The following CCDC73 variants were observed in gnomAD, a reference collection of about 807,000 sequenced individuals.
The protein encoded by CCDC73 is coiled-coil domain-containing protein 73.
Under a neutral mutation model 116.5 loss-of-function variants are expected in CCDC73, and 95 were observed. That is an observed-to-expected ratio of 0.82 (90% CI 0.69 to 0.97). The LOEUF is 0.97. CCDC73 is among the 50% of genes least tolerant of loss of function. The probability of loss-of-function intolerance (pLI) is 0.00; values close to 1 mark genes in which losing one functional copy is unlikely to be tolerated. For missense variants in CCDC73, 1,066 were observed against 1,206.8 expected (o/e 0.88, Z 1.73); for synonymous variants, 398 against 401.3 (o/e 0.99, Z 0.10).
At chr11:32,714,138 T>C (rs1849924475) in intron 3 of CCDC73, among the ~76,000 whole-genome samples, 1 of 152,080 alleles carries the variant, frequency 6.6e-6, no homozygotes, top group Non-Finnish European at 1.5e-5. Context: ...GTCATTTATT[T>C]AGAAATTCAT....
intron 2 of CCDC73, among the ~76,000 whole-genome samples, chr11:32,737,226 T>A (rs944256682): frequency 7.3e-6 from 1 of 137,606 alleles, no homozygotes; most frequent in Non-Finnish European, 1.5e-5. Context: ...GGGTACATAG[T>A]AGGGCTGTGT....
intron 12 of CCDC73, among the ~76,000 whole-genome samples, chr11:32,644,556 A>G (rs1407097882): frequency 6.6e-6 from 1 of 152,246 alleles, no homozygotes; most frequent in African/African-American, 2.4e-5. Context: ...TATATTCACA[A>G]TGTTGTACAA....
chr11:32,723,570 C>T (rs572333975), intron 2 of CCDC73, among the ~76,000 whole-genome samples: 14 of 152,240 alleles, frequency 9.2e-5, no homozygotes, highest in Middle Eastern at 6.8e-3. Flanking sequence ...GGCGTATGTA[C>T]CTAAATCTGT....
chr11:32,803,291 A>G, the CCDC73 span, among the ~76,000 whole-genome samples: 1 of 151,822 alleles, frequency 6.6e-6, no homozygotes, highest in African/African-American at 2.4e-5. Flanking sequence ...GGGCTTCACC[A>G]TGTTGGCCAG....
intron 14 of CCDC73, 98 bp downstream of exon 14, chr11:32,635,598 A>T: frequency 1.8e-6 from 2 of 1,092,418 alleles, no homozygotes; most frequent in Non-Finnish European, 2.3e-6. Flanking sequence ...TCATTTTTTT[A>T]AAGTTGAGAA....
chr11:32,691,964 C>T (rs574057722), intron 6 of CCDC73, among the ~76,000 whole-genome samples: 13 of 147,662 alleles, frequency 8.8e-5, no homozygotes, highest in South Asian at 6.5e-4. Flanking sequence ...AGGAGAATGG[C>T]GTGAACCCAG....
the CCDC73 span, among the ~76,000 whole-genome samples, chr11:32,823,464 ACT>A: frequency 6.6e-6 from 1 of 152,142 alleles, no homozygotes; most frequent in Admixed American, 6.5e-5. Flanking sequence ...ACAGAGCGAG[ACT>A]CTGTCTCAAA....
intron 2 of CCDC73, among the ~76,000 whole-genome samples, chr11:32,737,651 A>C (rs1850146972): frequency 6.6e-6 from 1 of 151,874 alleles, no homozygotes; most frequent in Admixed American, 6.6e-5. Flanking sequence ...CAGGGTAAGT[A>C]GGGCATCCAT....
Position 32,614,079 on chromosome 11 carries a change from T to C in CCDC73, c.2239A>G (p.Thr747Ala), listed in dbSNP as rs767349774. 6 of 1,613,228 alleles carry C rather than the reference T, an allele frequency of 3.7e-6. No individual in the cohort carries two copies. Among genetic ancestry groups the C allele is most frequent in the Admixed American group, 1.7e-5 (1 of 59,994 alleles). The change falls in exon 16 of 18, where the codon ACT becomes GCT. Residue 747 changes from threonine (T) to alanine (A), a missense_variant. Transcript: ENST00000335185. ...ATATCACTCATATTTTTACACATAG[T>C]TTTTCCCCCAGGGCTTGAGTTAGGT... ...VKPNSSPGGKTMCKNMSDMQN... is the reference protein window; with the variant it reads ...VKPNSSPGGKAMCKNMSDMQN...
chr11:32,633,612 C>T (rs933752782), intron 14 of CCDC73, among the ~76,000 whole-genome samples: 9 of 152,152 alleles, frequency 5.9e-5, no homozygotes, highest in Non-Finnish European at 1.3e-4. Flanking sequence ...TTCCAAAGGT[C>T]ATCTTCTAAT....
intron 2 of CCDC73, among the ~76,000 whole-genome samples, chr11:32,747,431 A>G (rs1004980679): frequency 1.3e-5 from 2 of 152,138 alleles, no homozygotes; most frequent in African/African-American, 2.4e-5. Context: ...GAGCTTGAAC[A>G]CCATGCTGGC....
intron 2 of CCDC73, among the ~76,000 whole-genome samples, chr11:32,723,340 A>C (rs1224631714): frequency 1.3e-5 from 2 of 152,216 alleles, no homozygotes; most frequent in African/African-American, 4.8e-5. Flanking sequence ...ACTATTAAGA[A>C]AGAGATTTGT....
chr11:32,674,900 G>A (rs1353662673), intron 9 of CCDC73, among the ~76,000 whole-genome samples: 1 of 152,176 alleles, frequency 6.6e-6, no homozygotes, highest in Non-Finnish European at 1.5e-5. Context: ...ACAAATAAAT[G>A]TTCGATTCAC....
At chr11:32,774,354 A>T (rs576805052) in intron 1 of CCDC73, among the ~76,000 whole-genome samples, 1 of 152,332 alleles carries the variant, frequency 6.6e-6, no homozygotes, top group South Asian at 2.1e-4. Flanking sequence ...GCTTTCTGAC[A>T]GATTCTGTTA....
At chr11:32,772,092 C>G (rs946422188) in intron 1 of CCDC73, among the ~76,000 whole-genome samples, 12 of 152,218 alleles carry the variant, frequency 7.9e-5, no homozygotes, top group Admixed American at 2.0e-4. Flanking sequence ...AACATTCCAA[C>G]AAACTCACGA....
intron 1 of CCDC73, among the ~76,000 whole-genome samples, chr11:32,785,926 G>T (rs1850623349): frequency 6.6e-6 from 1 of 152,086 alleles, no homozygotes; most frequent in Non-Finnish European, 1.5e-5. Flanking sequence ...AGGATGTGAT[G>T]ATTAAATTAA....
chr11:32,753,589 C>T (rs1348009616), intron 2 of CCDC73, among the ~76,000 whole-genome samples: 1 of 152,068 alleles, frequency 6.6e-6, no homozygotes, highest in African/African-American at 2.4e-5. Context: ...CTCAGCCTCC[C>T]GAGTAGCTGG....
chr11:32,721,874 A>G (rs761348924), intron 2 of CCDC73, among the ~76,000 whole-genome samples: 6 of 152,038 alleles, frequency 3.9e-5, no homozygotes, highest in Admixed American at 6.6e-5. Context: ...TGGGATTACA[A>G]GCATGAGCCA....
At position 32,614,453 on chromosome 11, in the gene CCDC73, C is replaced by T. The variant is rs544243512; in HGVS notation, c.1865G>A (p.Ser622Asn). Residue 622 changes from serine (S) to asparagine (N), a missense_variant, in exon 16 of 18, where the codon AGT becomes AAT. Ser to Asn is a conservative substitution (Grantham distance 46, BLOSUM62 1). Transcript: ENST00000335185. ...EHALEKEITN[S>N]DQTKADLDSS... ...GTCCAAATCTGCTTTGGTTTGGTCACTATTTGTAATTTCCTTCTCTAGAGC... is the reference window on the plus strand; with the variant it reads ...GTCCAAATCTGCTTTGGTTTGGTCATTATTTGTAATTTCCTTCTCTAGAGC... 5.4e-5 allele frequency: 87 copies of T among 1,613,336 alleles called. No homozygotes were observed. Among genetic ancestry groups the T allele is most frequent in the Non-Finnish European group, 6.8e-5 (80 of 1,179,734 alleles).
Sources: gnomAD v4.1 joint callset for allele counts (sites outside exome capture counted in the v4.1 genomes callset) on GRCh38, gnomAD v4.1.1 for gene constraint, MANE v1.5 for transcripts, NCBI Gene and HGNC (gene_info 2026-07-23, HGNC 2026-07-21) for gene names.